SYBU: variants seen among roughly 807,000 people sequenced by gnomAD.
SYBU encodes syntabulin.
SYBU carries 21 observed loss-of-function variants against 35.9 expected under a neutral mutation model. The ratio of observed to expected loss-of-function variants is 0.58; its 90% CI spans 0.41 to 0.84. The LOEUF (loss-of-function observed/expected upper bound fraction) is 0.84, where lower values mean the gene tolerates loss of function less well. Among genes scored for constraint, SYBU ranks in the 40% least tolerant of loss-of-function variants. SYBU has a pLI of 0.00. For missense variants in SYBU, 768 were observed against 848.2 expected (o/e 0.91, Z 1.17); for synonymous variants, 319 against 324.3 (o/e 0.98, Z 0.18).
At chr8:109,670,919 C>T (rs1335145606) in intron 1 of SYBU, among the ~76,000 whole-genome samples, 1 of 151,734 alleles carries the variant, frequency 6.6e-6, no homozygotes, top group African/African-American at 2.4e-5. Flanking sequence ...GAGAGAGAGA[C>T]TTTGCTTTAT....
At chr8:109,607,978 T>A in intron 3 of SYBU, 1 of 1,534,768 alleles carries the variant, frequency 6.5e-7, no homozygotes. Flanking sequence ...CAGCACAGGC[T>A]GGGGTATGTC....
Position 109,575,375 on chromosome 8 carries a change from T to C in SYBU, c.1523A>G (p.Gln508Arg). The stretch of plus-strand genomic sequence containing the variant: ...CGAGGGACAGGGGTCCTGGAGCTTC[T>C]GCAGCACACTCTGAATGAGCTCTGA... ...AISELIQSVL[Q>R]KLQDPCPSSL... The change falls in exon 7 of 7, where the codon CAG becomes CGG. Residue 508 changes from glutamine to arginine, a missense_variant. Transcript: ENST00000276646. 6.2e-7 allele frequency: 1 copy of C among 1,614,144 alleles called. No individual in the cohort carries two copies. Among genetic ancestry groups the C allele is most frequent in the Non-Finnish European group, 8.5e-7 (1 of 1,180,020 alleles).
At chr8:109,624,298 T>C (rs1291689693) in intron 2 of SYBU, among the ~76,000 whole-genome samples, 1 of 152,212 alleles carries the variant, frequency 6.6e-6, no homozygotes, top group East Asian at 1.9e-4. Flanking sequence ...TATTGAAAAT[T>C]GGCAATTAAA....
chr8:109,618,283 G>C, intron 3 of SYBU, among the ~76,000 whole-genome samples: 1 of 152,126 alleles, frequency 6.6e-6, no homozygotes, highest in East Asian at 1.9e-4. Context: ...TCACTGCAGT[G>C]ATGACCTCCA....
At chr8:109,607,805 A>AACACACACACAC (rs1157913419) in intron 3 of SYBU, 142 of 332,334 alleles carry the variant, frequency 4.3e-4, no homozygotes, top group Middle Eastern at 7.4e-4. Flanking sequence ...TACCACAACT[A>AACACACACACAC]ACTCACACAC....
chr8:109,609,404 A>T (rs915708102), intron 3 of SYBU, among the ~76,000 whole-genome samples: 2 of 152,226 alleles, frequency 1.3e-5, no homozygotes, highest in African/African-American at 4.8e-5. Flanking sequence ...CCTTTTAATG[A>T]TCACTTTAAA....
chr8:109,667,096 T>TTATTGTTATTAC (rs1182353925), intron 1 of SYBU, among the ~76,000 whole-genome samples: 3 of 152,162 alleles, frequency 2.0e-5, no homozygotes, highest in Non-Finnish European at 2.9e-5. Context: ...TTTACTAAAA[T>TTATTGTTATTAC]TATTGTTATT....
chr8:109,625,470 T>A (rs991942602), intron 2 of SYBU, among the ~76,000 whole-genome samples: 2 of 152,216 alleles, frequency 1.3e-5, no homozygotes, highest in Non-Finnish European at 2.9e-5. Context: ...TTGCCCAGGC[T>A]GGAGTACAGT....
chr8:109,647,318 T>C (rs1467805877), upstream of SYBU: 3 of 152,252 alleles, frequency 2.0e-5, no homozygotes, highest in Non-Finnish European at 4.4e-5. Flanking sequence ...GTGGAGGTTT[T>C]GTATTCTCTT....
chr8:109,667,521 A>C (rs1816801415), intron 1 of SYBU, among the ~76,000 whole-genome samples: 1 of 151,212 alleles, frequency 6.6e-6, no homozygotes, highest in Non-Finnish European at 1.5e-5. Flanking sequence ...AAAAAAAAAG[A>C]CGCAGTAATT....
At chr8:109,576,057 A>G in intron 6 of SYBU, 44 bp from the exon 7 acceptor site, 1 of 1,497,572 alleles carries the variant, frequency 6.7e-7, no homozygotes, top group East Asian at 2.4e-5. Flanking sequence ...AAAAAAAAAA[A>G]AAAAAAAAAA....
chr8:109,622,737 G>C (rs1488131915), intron 2 of SYBU, among the ~76,000 whole-genome samples: 7 of 152,088 alleles, frequency 4.6e-5, no homozygotes, highest in Admixed American at 1.3e-4. Flanking sequence ...ACAATCTATA[G>C]ATTTATATAT....
intron 1 of SYBU, among the ~76,000 whole-genome samples, chr8:109,672,994 T>C (rs534306318): frequency 4.6e-5 from 7 of 152,310 alleles, no homozygotes; most frequent in African/African-American, 1.4e-4. Flanking sequence ...TCCTCCTCTC[T>C]GGACAGGGCA....
At chr8:109,646,279 C>T (rs1186624643), upstream of SYBU, 4 of 152,182 alleles carry the variant, frequency 2.6e-5, no homozygotes, top group East Asian at 3.9e-4. Flanking sequence ...CTGTGCTCCT[C>T]GAAAACTGAG....
intron 3 of SYBU, among the ~76,000 whole-genome samples, chr8:109,597,481 G>A (rs1825017034): frequency 6.6e-6 from 1 of 152,056 alleles, no homozygotes; most frequent in Non-Finnish European, 1.5e-5. Context: ...ACTTTGGGAG[G>A]CTGAGATAGG....
intron 1 of SYBU, among the ~76,000 whole-genome samples, chr8:109,666,340 T>C (rs1166119113): frequency 1.3e-5 from 2 of 152,190 alleles, no homozygotes; most frequent in African/African-American, 4.8e-5. Context: ...TAGCAGCTTC[T>C]CCAGCCTCCA....
At chr8:109,643,939 T>C (rs1289627401) in intron 1 of SYBU, among the ~76,000 whole-genome samples, 1 of 151,930 alleles carries the variant, frequency 6.6e-6, no homozygotes, top group Non-Finnish European at 1.5e-5. Context: ...AGGAGGAGCG[T>C]TTTGCAAAAA....
chr8:109,683,619 T>G (rs930399954), upstream of SYBU, among the ~76,000 whole-genome samples: 1 of 152,126 alleles, frequency 6.6e-6, no homozygotes, highest in Non-Finnish European at 1.5e-5. Flanking sequence ...AGTTAAGACT[T>G]TGGGGGACTG....
At position 109,575,029 on chromosome 8, in the gene SYBU, C is replaced by T. The variant is rs1213843349; in HGVS notation, c.1869G>A (p.Leu623=). 4.4e-6 allele frequency: 7 copies of T among 1,603,704 alleles called. No individual in the cohort carries two copies. Among genetic ancestry groups the T allele is most frequent in the Non-Finnish European group, 6.0e-6 (7 of 1,173,662 alleles). ...CCCCTCTCTGAGTACTGAATGCCCA[C>T]AGAACCGTGGGGACCACGGGGGCAG... is the stretch of plus-strand genomic sequence containing the variant. ...AVAAPVVPTV[L]WAFSTQRGGT... is the part of the protein sequence containing the mutation. Residue 623 remains leucine, a synonymous_variant, in exon 7 of 7, where the codon CTG becomes CTA. Transcript: ENST00000276646.
Sources: allele counts gnomAD v4.1 joint callset (sites outside exome capture counted in the v4.1 genomes callset), GRCh38; gene constraint gnomAD v4.1.1; transcripts MANE v1.5; gene names NCBI Gene and HGNC (gene_info 2026-07-23, HGNC 2026-07-21).